Variants in MINDY2 observed in about 807,000 individuals in gnomAD.
MINDY2 encodes the protein MINDY lysine 48 deubiquitinase 2, also known as ubiquitin carboxyl-terminal hydrolase MINDY-2.
In MINDY2, 52 loss-of-function variants were observed where a neutral mutation model predicts 68.2. The ratio of observed to expected loss-of-function variants is 0.76; its 90% CI spans 0.61 to 0.96. MINDY2 has a LOEUF of 0.96. Among genes scored for constraint, MINDY2 ranks in the 40% least tolerant of loss-of-function variants. The pLI, the probability that MINDY2 is intolerant of heterozygous loss-of-function variation, is 0.00. For missense variants in MINDY2, 881 were observed against 773.4 expected, an observed-to-expected ratio of 1.14 and a Z score of -1.65; for synonymous variants, 372 against 303.0, an observed-to-expected ratio of 1.23 and a Z score of -2.36.
chr15:58,828,792 AC>A (rs1205314588), intron 5 of MINDY2, among the ~76,000 whole-genome samples: 5 of 150,554 alleles, frequency 3.3e-5, no homozygotes, highest in Non-Finnish European at 5.9e-5. Flanking sequence ...CGATCTCCTG[AC>A]CTCATGATCC....
At chr15:58,814,296 G>A (rs7171482) in intron 4 of MINDY2, among the ~76,000 whole-genome samples, 10 of 151,846 alleles carry the variant, frequency 6.6e-5, no homozygotes, top group Non-Finnish European at 1.5e-4. Context: ...GTGCTTGTTT[G>A]CCATTTGCAT....
intron 6 of MINDY2, among the ~76,000 whole-genome samples, chr15:58,839,503 T>G (rs1481359769): frequency 6.6e-6 from 1 of 152,072 alleles, no homozygotes; most frequent in Admixed American, 6.6e-5. Flanking sequence ...AGCTAATTTT[T>G]GTATTTTTCG....
intron 2 of MINDY2, among the ~76,000 whole-genome samples, chr15:58,799,238 C>T (rs1352721471): frequency 2.6e-5 from 4 of 152,150 alleles, no homozygotes; most frequent in Non-Finnish European, 5.9e-5. Context: ...GAGATTACTC[C>T]ATTTCTCTGG....
chr15:58,782,324 TATTA>T (rs1327216131), intron 1 of MINDY2, among the ~76,000 whole-genome samples: 13 of 152,344 alleles, frequency 8.5e-5, no homozygotes, highest in African/African-American at 3.1e-4. Context: ...AAATTTTGAC[TATTA>T]TTTAGTGCGT....
chr15:58,771,404 C>T lies in MINDY2; in HGVS notation c.9C>T (p.Ser3=), dbSNP rs1220227156. Residue 3 remains serine, a synonymous_variant, in exon 1 of 9, where the codon AGC becomes AGT. Transcript: ENST00000559228. ...GGGGCGGGCGGCCCGGTATGGAGAG[C>T]AGCCCCGAGAGCCTGCAGCCGCTAG... ME[S]SPESLQPLEH... is the part of the protein sequence containing the mutation. 10 of 1,608,516 alleles carry T rather than the reference C, an allele frequency of 6.2e-6. No homozygotes were observed. Among genetic ancestry groups the T allele is most frequent in the Middle Eastern group, 3.4e-4 (2 of 5,798 alleles).
chr15:58,807,353 C>CTTTTTTT (rs58768604), intron 3 of MINDY2, among the ~76,000 whole-genome samples: 2 of 109,056 alleles, frequency 1.8e-5, no homozygotes, highest in African/African-American at 3.7e-5. Flanking sequence ...TTAAAATAGT[C>CTTTTTTT]TTTTTTTTTT....
intron 2 of MINDY2, among the ~76,000 whole-genome samples, chr15:58,798,449 T>TA (rs1235634136): frequency 1.0e-4 from 13 of 127,404 alleles, no homozygotes; most frequent in African/African-American, 3.1e-4. Flanking sequence ...TTTAATGCAG[T>TA]AAAAAAAAAT....
At chr15:58,815,371 G>A (rs1396081783) in intron 4 of MINDY2, 1 of 151,790 alleles carries the variant, frequency 6.6e-6, no homozygotes, top group Admixed American at 6.6e-5. Flanking sequence ...GTTTTTTTGA[G>A]ACAGAGTCTC....
chr15:58,798,045 T>G (rs979786803), intron 2 of MINDY2, among the ~76,000 whole-genome samples: 68 of 152,178 alleles, frequency 4.5e-4, no homozygotes, highest in Non-Finnish European at 8.2e-4. Context: ...AATACATCCC[T>G]CTTACACCTC....
chr15:58,853,977 T>G (rs2032957865), intron 8 of MINDY2, among the ~76,000 whole-genome samples: 1 of 152,016 alleles, frequency 6.6e-6, no homozygotes, highest in African/African-American at 2.4e-5. Flanking sequence ...AATCTTACGT[T>G]ATTTACTGTT....
rs1197174985 is a variant in MINDY2, at chr15:58,854,355, A to T, written c.1738-127A>T. 7.2e-6 allele frequency: 7 copies of T among 968,714 alleles called. No individual in the cohort carries two copies. In the African/African-American group the frequency reaches 1.1e-4, roughly 16 times the overall value. The allele number at this position is 968,714 out of a possible 1,614,324, so 60.0% of individuals were successfully genotyped here. A position where few individuals can be genotyped will look rare whatever the true frequency, so the allele number is the denominator to read the frequency against. On this transcript the variant is annotated intron_variant, in intron 8 of 8. Transcript: ENST00000559228. The stretch of plus-strand genomic sequence containing the variant: ...ATACCATGTAATATAACAAATCTGT[A>T]TGCCAATAGCTAGCTTCTTTTTCCA...
chr15:58,831,943 C>T (rs763271181), intron 6 of MINDY2, 27 bp downstream of exon 6: 26 of 1,587,592 alleles, frequency 1.6e-5, no homozygotes, highest in Admixed American at 1.3e-4. Context: ...GCTATTTAAT[C>T]GTGATTCTAA....
At position 58,861,108 on chromosome 15, in the gene MINDY2, G is replaced by C. The variant is rs1444592836; in HGVS notation, c.*6498G>C. 1 of 152,176 alleles carries C rather than the reference G, an allele frequency of 6.6e-6. No homozygotes were observed. The highest frequency in any genetic ancestry group is 1.9e-4 in the East Asian group (1 of 5,198). The allele number at this position is 152,176 out of a possible 1,614,324, so 9.4% of individuals were successfully genotyped here. ...GTCATTTCCTAAAGCTAGTGCGTGTGAATCTTTTCCTTGAATTGTGCAGAA... is the reference window on the plus strand; with the variant it reads ...GTCATTTCCTAAAGCTAGTGCGTGTCAATCTTTTCCTTGAATTGTGCAGAA... On this transcript the variant is annotated 3_prime_UTR_variant, in exon 9 of 9. Coordinates refer to ENST00000559228, the MANE Select transcript of MINDY2 (RefSeq NM_001040450.3).
chr15:58,813,293 G>A (rs1467035609), intron 4 of MINDY2, among the ~76,000 whole-genome samples: 2 of 152,100 alleles, frequency 1.3e-5, no homozygotes, highest in African/African-American at 4.8e-5. Flanking sequence ...CCAGGAGTTC[G>A]AGACCAGCCT....
At position 58,857,181 on chromosome 15, in the gene MINDY2, G is replaced by GA. The variant is rs2033086667; in HGVS notation, c.*2574dup. 6.6e-6 allele frequency: 1 copy of GA among 152,196 alleles called. No homozygotes were observed. The highest frequency in any genetic ancestry group is 2.1e-4 in the South Asian group (1 of 4,830). The allele number at this position is 152,196 out of a possible 1,614,324, so 9.4% of individuals were successfully genotyped here. On this transcript the variant is annotated 3_prime_UTR_variant, in exon 9 of 9. Coordinates refer to ENST00000559228, the MANE Select transcript of MINDY2 (RefSeq NM_001040450.3). ...ATGTTTGCTTTGATTACTGTGGGGG[G>GA]AAAGATGAAATGTTCAATTGTATTA...
In MINDY2 at chr15:58,771,352, G is replaced by A. The variant is rs1200352536; in HGVS notation, c.-44G>A. On this transcript the variant is annotated 5_prime_UTR_variant, in exon 1 of 9. Coordinates refer to ENST00000559228, the MANE Select transcript of MINDY2 (RefSeq NM_001040450.3). ...TGGCGTCCAAGGCGCTGGCTGCGGA[G>A]AAGTGGCCGCGGTCTCCATAGAGCT... is the stretch of plus-strand genomic sequence containing the variant. 6.4e-7 allele frequency: 1 copy of A among 1,567,720 alleles called. No homozygotes were observed. The highest frequency in any genetic ancestry group is 1.2e-5 in the South Asian group (1 of 86,750).
intron 5 of MINDY2, among the ~76,000 whole-genome samples, chr15:58,823,958 G>A (rs992717120): frequency 3.6e-4 from 55 of 152,064 alleles, no homozygotes; most frequent in Admixed American, 1.6e-3. Flanking sequence ...GTCTATCTAC[G>A]GAATCCTTCT....
intron 8 of MINDY2, among the ~76,000 whole-genome samples, chr15:58,854,105 G>A (rs990817401): frequency 3.9e-5 from 6 of 151,938 alleles, no homozygotes; most frequent in East Asian, 3.9e-4. Context: ...TTAGCCAGGC[G>A]TGGTGGCAGG....
At chr15:58,836,792 AT>A (rs1230027454) in intron 6 of MINDY2, among the ~76,000 whole-genome samples, 6 of 149,014 alleles carry the variant, frequency 4.0e-5, no homozygotes, top group African/African-American at 7.4e-5. Flanking sequence ...CCAATTTAAA[AT>A]TTTTTTTTTA....
Sources: allele counts gnomAD v4.1 joint callset (sites outside exome capture counted in the v4.1 genomes callset), GRCh38; gene constraint gnomAD v4.1.1; transcripts MANE v1.5; gene names NCBI Gene and HGNC (gene_info 2026-07-23, HGNC 2026-07-21).